Variants in KATNAL1 observed in about 807,000 individuals in gnomAD.
KATNAL1 encodes katanin catalytic subunit A1 like 1.
KATNAL1 carries 32 observed loss-of-function variants against 55.2 expected under a neutral mutation model. The ratio of observed to expected loss-of-function variants is 0.58; its 90% CI spans 0.44 to 0.78. KATNAL1 has a LOEUF of 0.78. Among genes scored for constraint, KATNAL1 ranks in the 30% least tolerant of loss-of-function variants. KATNAL1 has a pLI of 0.00. For missense variants in KATNAL1, 466 were observed against 600.9 expected (o/e 0.78, Z 2.35); for synonymous variants, 193 against 193.6 (o/e 1.00, Z 0.02).
At chr13:30,291,989 C>T (rs535006029) in intron 1 of KATNAL1, among the ~76,000 whole-genome samples, 1 of 152,106 alleles carries the variant, frequency 6.6e-6, no homozygotes, top group Admixed American at 6.5e-5. Context: ...GAGCCGAGAT[C>T]GCGCCACTGC....
intron 3 of KATNAL1, among the ~76,000 whole-genome samples, chr13:30,271,040 T>C (rs1228250780): frequency 6.6e-6 from 1 of 152,168 alleles, no homozygotes; most frequent in Non-Finnish European, 1.5e-5. Flanking sequence ...GAGTGACATT[T>C]GAACAAATGA....
chr13:30,263,288 C>A (rs1305958132), intron 3 of KATNAL1, among the ~76,000 whole-genome samples: 2 of 152,276 alleles, frequency 1.3e-5, no homozygotes, highest in East Asian at 3.9e-4. Context: ...AAACTGGAAG[C>A]ATTCCCTTTG....
In KATNAL1 at chr13:30,208,423, T is replaced by C. The variant is rs1016087773; in HGVS notation, c.*117A>G. 3 of 782,170 alleles carry C rather than the reference T, an allele frequency of 3.8e-6. No individual in the cohort carries two copies. Among genetic ancestry groups the C allele is most frequent in the African/African-American group, 3.5e-5 (2 of 57,186 alleles). 48.5% of individuals were successfully genotyped at this position (782,170 alleles called of 1,614,324 possible). On this transcript the variant is annotated 3_prime_UTR_variant, in exon 11 of 11. Coordinates refer to ENST00000380615, the MANE Select transcript of KATNAL1 (RefSeq NM_032116.5). Reference sequence around the variant, plus strand: ...TTCTTCGCAGTTTTAGATTTTTTTTTCCTTTAAGCGAAAACCACTCCACTG... The same window carrying C: ...TTCTTCGCAGTTTTAGATTTTTTTTCCCTTTAAGCGAAAACCACTCCACTG...
At chr13:30,281,392 A>G (rs1593941286) in intron 2 of KATNAL1, among the ~76,000 whole-genome samples, 2 of 152,318 alleles carry the variant, frequency 1.3e-5, no homozygotes, top group Non-Finnish European at 2.9e-5. Context: ...GGAAAGAAAC[A>G]TAGTAGAAAT....
Position 30,258,957 on chromosome 13 carries a change from G to A in KATNAL1, c.324-3342C>T, listed in dbSNP as rs185508513. Among the ~76,000 whole-genome samples, 46 of 152,284 alleles carry A rather than the reference G, an allele frequency of 3.0e-4. 1 individual carries two copies. Among genetic ancestry groups the A allele is most frequent in the Admixed American group, 2.0e-3 (31 of 15,304 alleles). On this transcript the variant is annotated intron_variant, in intron 3 of 10. Transcript: ENST00000380615. ...TGCTATCAGATTATAAACAAGTATCGTAAGTAGGAATCTTTAAAATATTAT... is the reference window on the plus strand; with the variant it reads ...TGCTATCAGATTATAAACAAGTATCATAAGTAGGAATCTTTAAAATATTAT...
At chr13:30,277,721 C>T (rs1055320124) in intron 3 of KATNAL1, among the ~76,000 whole-genome samples, 11 of 152,248 alleles carry the variant, frequency 7.2e-5, no homozygotes, top group East Asian at 1.9e-4. Context: ...CGGTGGCTCA[C>T]GCCTGTAATC....
chr13:30,305,121 T>C (rs545753330), intron 1 of KATNAL1, among the ~76,000 whole-genome samples: 1 of 152,320 alleles, frequency 6.6e-6, no homozygotes, highest in South Asian at 2.1e-4. Context: ...TGGAGTTATC[T>C]TTCTAAAATA....
intron 2 of KATNAL1, among the ~76,000 whole-genome samples, chr13:30,281,181 C>CTTTT (rs141780125): frequency 7.0e-6 from 1 of 141,882 alleles, no homozygotes; most frequent in Non-Finnish European, 1.5e-5. Context: ...TTTAACAATT[C>CTTTT]TTTTTTTTTT....
In KATNAL1 at chr13:30,230,457, A is replaced by G; in HGVS notation, c.1012+11T>C. On this transcript the variant is annotated intron_variant, in intron 8 of 10. Coordinates refer to ENST00000380615, the MANE Select transcript of KATNAL1 (RefSeq NM_032116.5). ...ATGAGAGTTTTGAAACAATAATTAAATATCAATTACCATCCATCTGAATGA... is the reference window on the plus strand; with the variant it reads ...ATGAGAGTTTTGAAACAATAATTAAGTATCAATTACCATCCATCTGAATGA... The G allele has an allele frequency of 6.2e-7, 1 of 1,601,750 alleles. No individual in the cohort carries two copies. The highest frequency in any genetic ancestry group is 8.5e-7 in the Non-Finnish European group (1 of 1,175,970).
intron 3 of KATNAL1, among the ~76,000 whole-genome samples, chr13:30,265,739 G>A (rs548423596): frequency 6.7e-6 from 1 of 150,150 alleles, no homozygotes; most frequent in Admixed American, 6.6e-5. Context: ...GGCCAGGCGT[G>A]GTGGCTCACA....
At chr13:30,249,717 A>G (rs1284165947) in intron 4 of KATNAL1, among the ~76,000 whole-genome samples, 1 of 152,210 alleles carries the variant, frequency 6.6e-6, no homozygotes, top group Non-Finnish European at 1.5e-5. Flanking sequence ...CCTTTGGGAA[A>G]GAGGTAAGTG....
chr13:30,264,447 A>G (rs1207083601), intron 3 of KATNAL1, among the ~76,000 whole-genome samples: 2 of 145,960 alleles, frequency 1.4e-5, no homozygotes, highest in Admixed American at 6.9e-5. Context: ...GCAACCTACA[A>G]AATGGGAGAA....
intron 9 of KATNAL1, among the ~76,000 whole-genome samples, chr13:30,217,248 C>A (rs935359122): frequency 1.3e-5 from 2 of 152,046 alleles, no homozygotes; most frequent in African/African-American, 2.4e-5. Context: ...GTCAGGAGAT[C>A]GAGACCATCC....
At chr13:30,287,651 G>A (rs897750806) in intron 1 of KATNAL1, among the ~76,000 whole-genome samples, 2 of 152,170 alleles carry the variant, frequency 1.3e-5, no homozygotes, top group Non-Finnish European at 2.9e-5. Context: ...TTCAAATTTA[G>A]AACATTAACA....
At chr13:30,210,246 T>G (rs1873547305) in intron 10 of KATNAL1, 70 bp downstream of exon 10, 9 of 1,352,352 alleles carry the variant, frequency 6.7e-6, no homozygotes, top group Non-Finnish European at 8.9e-6. Context: ...CTAACTACAT[T>G]GACTTTAAGA....
intron 4 of KATNAL1, among the ~76,000 whole-genome samples, chr13:30,253,148 C>T (rs1878483897): frequency 6.6e-6 from 1 of 152,170 alleles, no homozygotes; most frequent in South Asian, 2.1e-4. Flanking sequence ...GTTTCAGGAA[C>T]TTCAGTATCC....
At chr13:30,256,699 GA>G (rs908393931) in intron 3 of KATNAL1, among the ~76,000 whole-genome samples, 1 of 145,418 alleles carries the variant, frequency 6.9e-6, no homozygotes, top group African/African-American at 2.5e-5. Context: ...GTAAGAAAAA[GA>G]AAAAAAAAGA....
At chr13:30,303,883 G>A (rs1336030168) in intron 1 of KATNAL1, among the ~76,000 whole-genome samples, 1 of 152,148 alleles carries the variant, frequency 6.6e-6, no homozygotes, top group African/African-American at 2.4e-5. Flanking sequence ...ACTACTACCT[G>A]ATCCACCTGC....
At chr13:30,276,516 C>CA (rs35974864) in intron 3 of KATNAL1, among the ~76,000 whole-genome samples, 10,376 of 98,796 alleles carry the variant, frequency 0.11, 563 homozygotes, top group African/African-American at 0.25. Flanking sequence ...TGAGAGATGG[C>CA]AAAAAAAAAA....
Sources: gnomAD v4.1 joint callset for allele counts (sites outside exome capture counted in the v4.1 genomes callset) on GRCh38, gnomAD v4.1.1 for gene constraint, MANE v1.5 for transcripts, NCBI Gene and HGNC (gene_info 2026-07-23, HGNC 2026-07-21) for gene names.